Variants in SH3RF1 observed in about 807,000 individuals in gnomAD.
SH3RF1 encodes SH3 domain containing ring finger 1, also known as E3 ubiquitin-protein ligase SH3RF1.
Under a neutral mutation model 74.0 loss-of-function variants are expected in SH3RF1, and 32 were observed. The observed-to-expected ratio is 0.43, with a 90% CI of 0.33 to 0.58. The LOEUF is 0.58. Among genes scored for constraint, SH3RF1 ranks in the 20% least tolerant of loss-of-function variants. The probability of loss-of-function intolerance (pLI) is 0.05; values close to 1 mark genes in which losing one functional copy is unlikely to be tolerated. For synonymous variants in SH3RF1, 396 were observed against 439.6 expected, an observed-to-expected ratio of 0.90 and a Z score of 1.24; for missense variants, 954 against 1,130.9, an observed-to-expected ratio of 0.84 and a Z score of 2.24.
chr4:169,213,530 T>C (rs1303570451), intron 2 of SH3RF1, among the ~76,000 whole-genome samples: 1 of 152,262 alleles, frequency 6.6e-6, no homozygotes, highest in East Asian at 1.9e-4. Flanking sequence ...TTAACTTTAA[T>C]GAATTTCAGC....
intron 2 of SH3RF1, among the ~76,000 whole-genome samples, chr4:169,165,794 T>A (rs1262092395): frequency 1.3e-5 from 2 of 152,260 alleles, no homozygotes; most frequent in Middle Eastern, 3.4e-3. Flanking sequence ...TAAAGCAATA[T>A]TGAAATAAAC....
intron 2 of SH3RF1, among the ~76,000 whole-genome samples, chr4:169,268,478 G>A (rs1034620167): frequency 6.6e-6 from 1 of 152,072 alleles, no homozygotes; most frequent in African/African-American, 2.4e-5. Context: ...ATGACTCTGA[G>A]CCCCATCAAA....
chr4:169,142,323 AT>A (rs1733800666), intron 4 of SH3RF1, among the ~76,000 whole-genome samples: 1 of 152,154 alleles, frequency 6.6e-6, no homozygotes, highest in African/African-American at 2.4e-5. Flanking sequence ...GTATATATTT[AT>A]GTCTATTAAA....
intron 4 of SH3RF1, among the ~76,000 whole-genome samples, chr4:169,142,529 C>T (rs1733804017): frequency 6.6e-6 from 1 of 152,172 alleles, no homozygotes; most frequent in African/African-American, 2.4e-5. Flanking sequence ...ATATGCCCAT[C>T]TGGTTTTGCA....
Position 169,234,598 on chromosome 4 carries a change from T to C in SH3RF1, c.393+34222A>G, listed in dbSNP as rs117330804. ...TTCTAACACTGGACTTGCCATTTAA[T>C]AGACTTTGCTATACCTCACAGCACA... On this transcript the variant is annotated intron_variant, in intron 2 of 11. Transcript: ENST00000284637. Among the ~76,000 whole-genome samples the C allele has an allele frequency of 4.6e-5, 7 of 152,322 alleles. No individual in the cohort carries two copies. The East Asian group carries it at 9.7e-4, about 21-fold the overall frequency.
chr4:169,142,257 T>C (rs377614072), intron 4 of SH3RF1, among the ~76,000 whole-genome samples: 18 of 152,310 alleles, frequency 1.2e-4, no homozygotes, highest in African/African-American at 3.8e-4. Flanking sequence ...CGCCTGGCCA[T>C]AAATACTCTT....
chr4:169,134,727 G>C (rs1430703908), intron 5 of SH3RF1, among the ~76,000 whole-genome samples: 2 of 152,134 alleles, frequency 1.3e-5, no homozygotes, highest in African/African-American at 4.8e-5. Context: ...ACACGGATAT[G>C]ATTAGTTAAA....
At chr4:169,138,708 G>A (rs1733737177) in intron 4 of SH3RF1, among the ~76,000 whole-genome samples, 1 of 152,120 alleles carries the variant, frequency 6.6e-6, no homozygotes, top group South Asian at 2.1e-4. Flanking sequence ...TGTTTTGAAA[G>A]GTTCTGAAAA....
At chr4:169,246,377 AGATATT>A (rs1730994785) in intron 2 of SH3RF1, among the ~76,000 whole-genome samples, 1 of 152,238 alleles carries the variant, frequency 6.6e-6, no homozygotes, top group Non-Finnish European at 1.5e-5. Context: ...TGTGCTATAT[AGATATT>A]ATCACTGAAG....
chr4:169,116,750 A>C, intron 9 of SH3RF1, 120 bp from the exon 10 acceptor site: 1 of 1,322,638 alleles, frequency 7.6e-7, no homozygotes, highest in Non-Finnish European at 1.0e-6. Flanking sequence ...TATTTATTAC[A>C]ATAAAGATGG....
intron 8 of SH3RF1, among the ~76,000 whole-genome samples, 167 bp from the exon 9 acceptor site, chr4:169,117,949 G>A (rs1298247803): frequency 6.6e-6 from 1 of 152,170 alleles, no homozygotes; most frequent in Non-Finnish European, 1.5e-5. Flanking sequence ...CGTAATGATG[G>A]CTGAGACAGA....
At chr4:169,133,771 T>C (rs1733654300) in intron 5 of SH3RF1, among the ~76,000 whole-genome samples, 1 of 151,148 alleles carries the variant, frequency 6.6e-6, no homozygotes, top group Non-Finnish European at 1.5e-5. Flanking sequence ...TGAGACTCCA[T>C]CTCAAAAAAA....
At chr4:169,173,752 C>T (rs575500956) in intron 2 of SH3RF1, among the ~76,000 whole-genome samples, 1 of 152,048 alleles carries the variant, frequency 6.6e-6, no homozygotes, top group South Asian at 2.1e-4. Context: ...TTACAAGCTA[C>T]CTTTTTTTTT....
At chr4:169,183,509 A>C (rs1734548962) in intron 2 of SH3RF1, among the ~76,000 whole-genome samples, 2 of 151,928 alleles carry the variant, frequency 1.3e-5, no homozygotes, top group African/African-American at 4.8e-5. Flanking sequence ...TCGAACTCCT[A>C]ACCTCAGGTG....
chr4:169,202,432 A>T (rs1013839865), intron 2 of SH3RF1, among the ~76,000 whole-genome samples: 12 of 152,148 alleles, frequency 7.9e-5, no homozygotes, highest in Admixed American at 6.5e-5. Flanking sequence ...GTGGATGAGA[A>T]ATGAAGTCCA....
intron 2 of SH3RF1, among the ~76,000 whole-genome samples, chr4:169,235,838 G>A (rs1185540259): frequency 1.3e-5 from 2 of 152,002 alleles, no homozygotes; most frequent in Non-Finnish European, 1.5e-5. Context: ...GCACCACCAG[G>A]ACTGGCTACT....
intron 2 of SH3RF1, among the ~76,000 whole-genome samples, chr4:169,197,525 GA>G (rs1734833885): frequency 6.6e-6 from 1 of 151,260 alleles, no homozygotes; most frequent in Admixed American, 6.6e-5. Flanking sequence ...TCAGGAGGCT[GA>G]GGCAGGAGAA....
At chr4:169,251,062 T>C (rs1034009011) in intron 2 of SH3RF1, among the ~76,000 whole-genome samples, 1 of 152,188 alleles carries the variant, frequency 6.6e-6, no homozygotes, top group Non-Finnish European at 1.5e-5. Context: ...GACTCAGTTA[T>C]GCGACTGAAG....
chr4:169,120,874 T>C lies in SH3RF1; in HGVS notation c.1462A>G (p.Met488Val). Residue 488 changes from methionine to valine, a missense_variant, in exon 8 of 12, where the codon ATG (methionine) becomes GTG (valine). Physicochemically the swap from Met to Val is conservative, Grantham distance 21. Transcript: ENST00000284637. ...CQDGWFKGTSMHTSKIGVFPG... is the reference protein window; with the variant it reads ...CQDGWFKGTSVHTSKIGVFPG... ...AAAACCCCTATCTTGCTGGTATGCATGGATGTCCCTTTGAACCAGCCATCC... is the reference window on the plus strand; with the variant it reads ...AAAACCCCTATCTTGCTGGTATGCACGGATGTCCCTTTGAACCAGCCATCC... 6.2e-7 allele frequency: 1 copy of C among 1,614,238 alleles called. No individual in the cohort carries two copies. Among genetic ancestry groups the C allele is most frequent in the Non-Finnish European group, 8.5e-7 (1 of 1,180,044 alleles).
Sources: gnomAD v4.1 joint callset for allele counts (sites outside exome capture counted in the v4.1 genomes callset) on GRCh38, gnomAD v4.1.1 for gene constraint, MANE v1.5 for transcripts, NCBI Gene and HGNC (gene_info 2026-07-23, HGNC 2026-07-21) for gene names.